FOXO1: variants seen among roughly 807,000 people sequenced by gnomAD.
FOXO1 encodes forkhead box protein O1.
FOXO1 carries 6 observed loss-of-function variants against 44.1 expected under a neutral mutation model. The ratio of observed to expected loss-of-function variants is 0.14; its 90% CI spans 0.07 to 0.27. The LOEUF is 0.27. FOXO1 is among the 10% of genes least tolerant of loss of function. The pLI is 1.00. For synonymous variants in FOXO1, 380 were observed against 362.7 expected (o/e 1.05, Z -0.54); for missense variants, 737 against 888.8 (o/e 0.83, Z 2.17).
chr13:40,657,139 T>C (rs905703436), intron 1 of FOXO1, among the ~76,000 whole-genome samples: 2 of 152,178 alleles, frequency 1.3e-5, no homozygotes, highest in Non-Finnish European at 2.9e-5. Context: ...CCCAAAAATA[T>C]ATCTTGAAAA....
rs548367670 is a variant in FOXO1, at chr13:40,650,791, G to C, written c.630+14792C>G. Among the ~76,000 whole-genome samples, 6 of 152,304 alleles carry C rather than the reference G, an allele frequency of 3.9e-5. No homozygotes were observed. In the South Asian group the frequency reaches 1.0e-3, roughly 26 times the overall value. On this transcript the variant is annotated intron_variant, in intron 1 of 2. Transcript: ENST00000379561. The stretch of plus-strand genomic sequence containing the variant: ...GTTTTTTGAGATGGAGTCTCACTCT[G>C]TTACCCAGGCTGGAGTGCAGTGGCG...
chr13:40,561,301 G>A (rs369742377), intron 1 of FOXO1, among the ~76,000 whole-genome samples: 205 of 140,986 alleles, frequency 1.5e-3, no homozygotes, highest in African/African-American at 5.3e-3. Context: ...GCAGTGAGGC[G>A]AGATCGTGCC....
chr13:40,599,217 G>GA (rs5803058), intron 1 of FOXO1, among the ~76,000 whole-genome samples: 29,774 of 137,104 alleles, frequency 0.22, 3,152 homozygotes, highest in East Asian at 0.35. Flanking sequence ...AAAACACGCT[G>GA]AAAAAAAAAA....
At chr13:40,583,636 C>G (rs1285596064) in intron 1 of FOXO1, among the ~76,000 whole-genome samples, 1 of 152,232 alleles carries the variant, frequency 6.6e-6, no homozygotes, top group East Asian at 1.9e-4. Flanking sequence ...AACTTTTCTT[C>G]TGCAGCTTCC....
chr13:40,596,321 T>C (rs559252743), intron 1 of FOXO1, among the ~76,000 whole-genome samples: 28 of 152,182 alleles, frequency 1.8e-4, no homozygotes, highest in Non-Finnish European at 3.7e-4. Context: ...AGGCAGATAA[T>C]TATTATCAGG....
At chr13:40,657,288 C>T (rs1316065879) in intron 1 of FOXO1, among the ~76,000 whole-genome samples, 1 of 150,250 alleles carries the variant, frequency 6.7e-6, no homozygotes, top group East Asian at 2.0e-4. Flanking sequence ...ATAGCGAAAT[C>T]GTAAGGGAAC....
intron 1 of FOXO1, among the ~76,000 whole-genome samples, chr13:40,647,243 A>C (rs1394775203): frequency 6.6e-6 from 1 of 152,164 alleles, no homozygotes; most frequent in Non-Finnish European, 1.5e-5. Context: ...CCACCACCCC[A>C]CCAAAAACCT....
intron 1 of FOXO1, among the ~76,000 whole-genome samples, chr13:40,626,695 G>A (rs550489523): frequency 1.3e-5 from 2 of 152,238 alleles, no homozygotes; most frequent in South Asian, 4.1e-4. Flanking sequence ...CTCTCTCATT[G>A]GGGAAAGATG....
chr13:40,599,559 T>C (rs1031308584), intron 1 of FOXO1, among the ~76,000 whole-genome samples: 5 of 152,356 alleles, frequency 3.3e-5, no homozygotes, highest in African/African-American at 1.2e-4. Context: ...GTTTTGTTTA[T>C]TGAAATTTAT....
At chr13:40,627,558 C>T (rs989095160) in intron 1 of FOXO1, among the ~76,000 whole-genome samples, 3 of 152,018 alleles carry the variant, frequency 2.0e-5, no homozygotes, top group Non-Finnish European at 2.9e-5. Context: ...CCTGGCCAAG[C>T]GTGGTGGCTC....
At chr13:40,654,525 G>GA (rs923423727) in intron 1 of FOXO1, among the ~76,000 whole-genome samples, 7 of 148,452 alleles carry the variant, frequency 4.7e-5, no homozygotes, top group Non-Finnish European at 7.5e-5. Flanking sequence ...AGAAGAAAAA[G>GA]AAAAAGACAA....
chr13:40,649,712 T>A (rs904173381), intron 1 of FOXO1, among the ~76,000 whole-genome samples: 1 of 152,220 alleles, frequency 6.6e-6, no homozygotes, highest in Non-Finnish European at 1.5e-5. Flanking sequence ...AATTAGGTAA[T>A]AAATTCAGAA....
chr13:40,560,915 CCTATTCTA>C lies in FOXO1; in HGVS notation c.631-63_631-56del. 1 of 1,505,632 alleles carries C rather than the reference CCTATTCTA, an allele frequency of 6.6e-7. No individual in the cohort carries two copies. Among genetic ancestry groups the C allele is most frequent in the Non-Finnish European group, 8.9e-7 (1 of 1,123,740 alleles). 93.3% of individuals were successfully genotyped at this position (1,505,632 alleles called of 1,614,324 possible). ...CAATACTTCTCTGCTTGCAAAACTT[CCTATTCTA>C]CATGTATTACATGGAAAACAAGTAA... On this transcript the variant is annotated intron_variant, in intron 1 of 2. Transcript: ENST00000379561. This position sits in a 1 kb window ranked among gnomAD's most constrained non-coding sequence, Gnocchi z 5.1.
chr13:40,648,465 T>A (rs1255846163), intron 1 of FOXO1, among the ~76,000 whole-genome samples: 1 of 152,236 alleles, frequency 6.6e-6, no homozygotes, highest in African/African-American at 2.4e-5. Flanking sequence ...AAACTAAATA[T>A]GATTGTTAGC....
chr13:40,631,441 GA>G (rs943171778), intron 1 of FOXO1, among the ~76,000 whole-genome samples: 6 of 150,256 alleles, frequency 4.0e-5, no homozygotes, highest in South Asian at 2.1e-4. Flanking sequence ...AGCTACAAAA[GA>G]AAAAAAAATA....
At chr13:40,651,330 G>C (rs1431144150) in intron 1 of FOXO1, among the ~76,000 whole-genome samples, 1 of 152,046 alleles carries the variant, frequency 6.6e-6, no homozygotes, top group African/African-American at 2.4e-5. Context: ...GAAATACAAA[G>C]CACCTTAAAG....
At chr13:40,623,921 TAAA>T (rs776362097) in intron 1 of FOXO1, among the ~76,000 whole-genome samples, 1 of 125,052 alleles carries the variant, frequency 8.0e-6, no homozygotes, top group African/African-American at 3.2e-5. Flanking sequence ...CACCATCTCT[TAAA>T]AAAAAAAAAA....
At chr13:40,649,301 A>C (rs1003820301) in intron 1 of FOXO1, among the ~76,000 whole-genome samples, 12 of 152,186 alleles carry the variant, frequency 7.9e-5, no homozygotes, top group African/African-American at 2.7e-4. Flanking sequence ...TTCTCATTTT[A>C]TCTCTCTGAC....
At chr13:40,614,601 G>A (rs886860777) in intron 1 of FOXO1, among the ~76,000 whole-genome samples, 11 of 152,184 alleles carry the variant, frequency 7.2e-5, no homozygotes, top group African/African-American at 2.4e-4. Context: ...CACAGTGGAA[G>A]ATCTCTTGGC....
Sources: gnomAD v4.1 joint callset for allele counts (sites outside exome capture counted in the v4.1 genomes callset) on GRCh38, gnomAD v4.1.1 for gene constraint, Gnocchi (gnomAD v3.1) non-coding constraint, MANE v1.5 for transcripts, NCBI Gene and HGNC (gene_info 2026-07-23, HGNC 2026-07-21) for gene names.